PCDH9: variants seen among roughly 807,000 people sequenced by gnomAD.
The protein encoded by PCDH9 is protocadherin-9.
Under a neutral mutation model 70.6 loss-of-function variants are expected in PCDH9, and 24 were observed. The ratio of observed to expected loss-of-function variants is 0.34; its 90% confidence interval spans 0.25 to 0.48. The LOEUF (loss-of-function observed/expected upper bound fraction) is 0.48, where lower values mean the gene tolerates loss of function less well. PCDH9 is among the 20% of genes least tolerant of loss of function. The pLI is 0.99. For synonymous variants in PCDH9, 562 were observed against 558.5 expected (o/e 1.01, Z -0.09); for missense variants, 1,281 against 1,503.6 (o/e 0.85, Z 2.45).
intron 2 of PCDH9, among the ~76,000 whole-genome samples, chr13:67,081,502 AG>A (rs1344726061): frequency 6.6e-6 from 1 of 152,206 alleles, no homozygotes; most frequent in African/African-American, 2.4e-5. Context: ...CAGGAGGCAG[AG>A]GTTGCAGTGA....
chr13:66,649,040 G>T (rs1222876253), intron 3 of PCDH9, among the ~76,000 whole-genome samples: 1 of 151,982 alleles, frequency 6.6e-6, no homozygotes, highest in African/African-American at 2.4e-5. Flanking sequence ...GAATAAAAAA[G>T]ATTGAAGCCT....
chr13:66,370,652 A>G (rs1483837299), intron 4 of PCDH9, among the ~76,000 whole-genome samples: 1 of 151,726 alleles, frequency 6.6e-6, no homozygotes, highest in Non-Finnish European at 1.5e-5. Flanking sequence ...CTGGGACTAC[A>G]GGTACATGCC....
At chr13:66,547,671 T>C (rs996176025) in intron 4 of PCDH9, among the ~76,000 whole-genome samples, 1 of 152,002 alleles carries the variant, frequency 6.6e-6, no homozygotes, top group Non-Finnish European at 1.5e-5. Context: ...ATGTTGATTG[T>C]CTTTAATAAT....
intron 2 of PCDH9, among the ~76,000 whole-genome samples, chr13:67,189,754 G>A (rs1039846331): frequency 3.0e-4 from 46 of 152,006 alleles, no homozygotes; most frequent in African/African-American, 1.0e-3. Context: ...CTAAGTGGAT[G>A]AAGGAGAAAG....
intron 3 of PCDH9, among the ~76,000 whole-genome samples, chr13:66,872,790 T>G (rs1037359432): frequency 3.3e-5 from 5 of 152,152 alleles, no homozygotes; most frequent in African/African-American, 1.2e-4. Flanking sequence ...TAATTGAATC[T>G]CCTCTACTTC....
At chr13:66,663,127 T>C (rs2078039775) in intron 3 of PCDH9, among the ~76,000 whole-genome samples, 2 of 152,146 alleles carry the variant, frequency 1.3e-5, no homozygotes, top group South Asian at 4.1e-4. Flanking sequence ...TACAAGTAAA[T>C]TGTCAAGTTC....
At chr13:66,883,958 A>G (rs558882601) in intron 3 of PCDH9, among the ~76,000 whole-genome samples, 63 of 139,878 alleles carry the variant, frequency 4.5e-4, no homozygotes, top group African/African-American at 1.5e-3. Flanking sequence ...GCTGGAGTGC[A>G]GTGGCACGAT....
chr13:66,398,613 G>A (rs937570749), intron 4 of PCDH9, among the ~76,000 whole-genome samples: 4 of 152,074 alleles, frequency 2.6e-5, no homozygotes, highest in South Asian at 4.1e-4. Flanking sequence ...GAATTAACAC[G>A]TATAATTTTA....
intron 4 of PCDH9, among the ~76,000 whole-genome samples, chr13:66,356,939 T>C (rs1258947766): frequency 6.6e-6 from 1 of 152,026 alleles, no homozygotes. Context: ...GGTTAGGACA[T>C]TGTAGACTTG....
At chr13:66,965,988 A>G (rs1453794943) in intron 2 of PCDH9, among the ~76,000 whole-genome samples, 1 of 152,166 alleles carries the variant, frequency 6.6e-6, no homozygotes, top group Non-Finnish European at 1.5e-5. Context: ...AATTTAGGTC[A>G]CCTAAATCTT....
At chr13:66,397,949 T>C (rs1191262335) in intron 4 of PCDH9, among the ~76,000 whole-genome samples, 1 of 151,972 alleles carries the variant, frequency 6.6e-6, no homozygotes. Flanking sequence ...AAATTATATA[T>C]ATTGAAATTA....
At chr13:66,485,240 G>A (rs552583943) in intron 4 of PCDH9, among the ~76,000 whole-genome samples, 44 of 152,236 alleles carry the variant, frequency 2.9e-4, no homozygotes, top group African/African-American at 1.1e-3. Context: ...CATGTCTAAG[G>A]CTGATGGAAA....
chr13:67,003,950 A>G (rs1463858649), intron 2 of PCDH9, among the ~76,000 whole-genome samples: 2 of 152,138 alleles, frequency 1.3e-5, no homozygotes, highest in Non-Finnish European at 2.9e-5. Flanking sequence ...TCCCATGTGC[A>G]GGGGAAATGT....
At chr13:66,637,152 C>T (rs1212908465) in intron 3 of PCDH9, among the ~76,000 whole-genome samples, 1 of 152,092 alleles carries the variant, frequency 6.6e-6, no homozygotes, top group African/African-American at 2.4e-5. Flanking sequence ...TCAATGCATG[C>T]ACACATTTCC....
At chr13:66,564,889 C>A (rs1227048221) in intron 4 of PCDH9, among the ~76,000 whole-genome samples, 1 of 150,764 alleles carries the variant, frequency 6.6e-6, no homozygotes, top group African/African-American at 2.4e-5. Context: ...ATTTTTGATA[C>A]CCTGAGGATT....
chr13:66,394,828 G>T (rs917453923), intron 4 of PCDH9, among the ~76,000 whole-genome samples: 3 of 152,138 alleles, frequency 2.0e-5, no homozygotes, highest in Non-Finnish European at 2.9e-5. Flanking sequence ...CTATGCACAG[G>T]AGATGACAGA....
At chr13:67,081,055 G>A (rs533361365) in intron 2 of PCDH9, among the ~76,000 whole-genome samples, 1 of 152,116 alleles carries the variant, frequency 6.6e-6, no homozygotes, top group African/African-American at 2.4e-5. Flanking sequence ...ATTAGTGATG[G>A]TATAAGAACT....
intron 3 of PCDH9, among the ~76,000 whole-genome samples, chr13:66,699,182 G>A (rs975311954): frequency 4.6e-5 from 7 of 152,032 alleles, no homozygotes; most frequent in Admixed American, 4.6e-4. Context: ...CCAAAGTGCT[G>A]GGATTACAGG....
chr13:66,741,933 A>T (rs1429838784), intron 3 of PCDH9, among the ~76,000 whole-genome samples: 1 of 150,292 alleles, frequency 6.7e-6, no homozygotes, highest in Non-Finnish European at 1.5e-5. Flanking sequence ...TAATTTATAG[A>T]GTCAATGCCA....
Sources: allele counts gnomAD v4.1 joint callset (sites outside exome capture counted in the v4.1 genomes callset), GRCh38; gene constraint gnomAD v4.1.1; transcripts MANE v1.5; gene names NCBI Gene and HGNC (gene_info 2026-07-23, HGNC 2026-07-21).